The following RFC1 variants were observed in gnomAD, a reference collection of about 807,000 sequenced individuals.
RFC1 encodes the protein replication factor C subunit 1, also known as A1 140 kDa subunit.
A neutral mutation model predicts 137.4 loss-of-function variants in RFC1; 37 were observed. The ratio of observed to expected loss-of-function variants is 0.27; its 90% CI spans 0.21 to 0.35. The LOEUF (loss-of-function observed/expected upper bound fraction) is 0.35. Among genes scored for constraint, RFC1 ranks in the 10% least tolerant of loss-of-function variants. The pLI, the probability that RFC1 is intolerant of heterozygous loss-of-function variation, is 1.00. For synonymous variants in RFC1, 429 were observed against 455.7 expected (o/e 0.94, Z 0.75); for missense variants, 1,205 against 1,358.5 (o/e 0.89, Z 1.78).
chr4:39,321,542 A>G (rs1238026485), intron 7 of RFC1, 168 bp from the exon 8 acceptor site: 1 of 571,964 alleles, frequency 1.7e-6, no homozygotes, highest in Non-Finnish European at 3.1e-6. Context: ...AATGAGGCAT[A>G]TTTTATTACT....
intron 1 of RFC1, among the ~76,000 whole-genome samples, chr4:39,363,954 C>CCTGTAAT (rs1368240246): frequency 1.3e-5 from 2 of 149,316 alleles, no homozygotes; most frequent in Non-Finnish European, 3.0e-5. Context: ...GTGGCTCATG[C>CCTGTAAT]CTGTAATCTC....
At chr4:39,303,303 A>G in intron 15 of RFC1, 152 bp from the exon 16 acceptor site, 1 of 597,332 alleles carries the variant, frequency 1.7e-6, no homozygotes, top group Non-Finnish European at 3.0e-6. Flanking sequence ...TTAAAGAAAA[A>G]AAAAAAAAAA....
chr4:39,366,116 G>A (rs1243694947), intron 1 of RFC1, 123 bp downstream of exon 1: 3 of 1,093,308 alleles, frequency 2.7e-6, no homozygotes, highest in South Asian at 3.3e-5. Flanking sequence ...CTCTGCCTTT[G>A]CTAGCCTCCG....
intron 24 of RFC1, 46 bp downstream of exon 24, chr4:39,289,802 A>T (rs774063127): frequency 7.7e-7 from 1 of 1,290,914 alleles, no homozygotes; most frequent in Non-Finnish European, 1.1e-6. Context: ...AGGCAAGGAA[A>T]GATCATCTAT....
At chr4:39,349,539 A>G (rs930586297) in intron 2 of RFC1, among the ~76,000 whole-genome samples, 2 of 152,196 alleles carry the variant, frequency 1.3e-5, no homozygotes, top group African/African-American at 4.8e-5. Flanking sequence ...CCATGTACAA[A>G]GCAGGAAAAA....
At position 39,309,051 on chromosome 4, in the gene RFC1, G is replaced by A. The variant is rs533920440; in HGVS notation, c.1489-19C>T. Reference sequence around the variant, plus strand: ...TCTTCATCTTAAGAAGTGGAAAAATGAGGAAAAAAGAAACCTGATGAAACA... The same window carrying A: ...TCTTCATCTTAAGAAGTGGAAAAATAAGGAAAAAAGAAACCTGATGAAACA... On this transcript the variant is annotated intron_variant, in intron 12 of 24. Transcript: ENST00000349703. 12 of 1,567,814 alleles carry A rather than the reference G, an allele frequency of 7.7e-6. No individual in the cohort carries two copies. In the East Asian group the frequency reaches 2.2e-4, roughly 29 times the overall value.
chr4:39,336,843 A>G (rs1233484700), intron 4 of RFC1, among the ~76,000 whole-genome samples: 2 of 152,278 alleles, frequency 1.3e-5, no homozygotes, highest in Non-Finnish European at 2.9e-5. Context: ...CTAAACAGCT[A>G]TATCCAGGGT....
chr4:39,308,987 G>C lies in RFC1; in HGVS notation c.1534C>G (p.Gln512Glu). ...GATGGACTAATTTTTCTTTTTCCTT[G>C]GACATTTTTTTGGGGTGTTCTCTCC... ...KLERTPQKNV[Q>E]GKRKISPSKK... The change falls in exon 13 of 25, where the codon CAA (glutamine) becomes GAA (glutamate). Residue 512 changes from glutamine (Q) to glutamate (E), a missense_variant. Transcript: ENST00000349703. 2.5e-6 allele frequency: 4 copies of C among 1,611,252 alleles called. No homozygotes were observed. Among genetic ancestry groups the C allele is most frequent in the Non-Finnish European group, 3.4e-6 (4 of 1,179,554 alleles).
intron 1 of RFC1, among the ~76,000 whole-genome samples, chr4:39,355,096 A>AAAAC (rs1553927298): frequency 3.3e-5 from 2 of 60,160 alleles, no homozygotes; most frequent in Non-Finnish European, 6.4e-5. Context: ...AAAAAAAAAA[A>AAAAC]ATACACACAC....
chr4:39,363,100 G>T (rs1308303346), intron 1 of RFC1, among the ~76,000 whole-genome samples: 1 of 152,172 alleles, frequency 6.6e-6, no homozygotes, highest in African/African-American at 2.4e-5. Flanking sequence ...AGTCTCATGT[G>T]TGTTTAATTC....
In RFC1 at chr4:39,329,636, G is replaced by A. The variant is rs1480524407; in HGVS notation, c.332-1880C>T. 2.6e-5 allele frequency among the ~76,000 whole-genome samples: 4 copies of A among 152,160 alleles called. No homozygotes were observed. The East Asian group carries it at 7.7e-4, about 29-fold the overall frequency. On this transcript the variant is annotated intron_variant, in intron 4 of 24. Transcript: ENST00000349703. ...GCCTGTAGCCCCAGCTACTCAGGAG[G>A]CTAAGGCAGTAGGAGGATCGCTTGA...
rs1412644125 is a variant in RFC1, at chr4:39,351,363, T to G, written c.117A>C (p.Gly39=). Reference sequence around the variant, plus strand: ...GAAAACTAACCTTGATTTCCTTTATTCCTTTCTTTGCTTTTAAAGTTTCTT... The same window carrying G: ...GAAAACTAACCTTGATTTCCTTTATGCCTTTCTTTGCTTTTAAAGTTTCTT... ...SDEETLKAKK[G]IKEIKVNSSR... Residue 39 remains glycine (G), a synonymous_variant, in exon 2 of 25, where the codon GGA becomes GGC. Transcript: ENST00000349703. The G allele has an allele frequency of 6.4e-7, 1 of 1,561,494 alleles. No individual in the cohort carries two copies.
At chr4:39,306,475 T>G in intron 14 of RFC1, 117 bp downstream of exon 14, 1 of 568,248 alleles carries the variant, frequency 1.8e-6, no homozygotes, top group Non-Finnish European at 3.1e-6. Flanking sequence ...TAAACACAGT[T>G]TATATATAGA....
Position 39,289,943 on chromosome 4 carries a change from A to T in RFC1, c.3265T>A (p.Ser1089Thr), listed in dbSNP as rs1486129072. ...IKASRHSTSP[S>T]LDSEYNEELN... Reference sequence around the variant, plus strand: ...TCTTCATTGTATTCCGAATCCAGGGATGGGCTTGTGCTGTGTCTAGATGCC... The same window carrying T: ...TCTTCATTGTATTCCGAATCCAGGGTTGGGCTTGTGCTGTGTCTAGATGCC... The change falls in exon 24 of 25, where the codon TCC (serine) becomes ACC (threonine). Residue 1089 changes from serine to threonine, a missense_variant. Ser to Thr is a moderately conservative substitution (Grantham distance 58, BLOSUM62 1). Coordinates refer to ENST00000349703, the MANE Select transcript of RFC1 (RefSeq NM_002913.5). 6.2e-7 allele frequency: 1 copy of T among 1,613,254 alleles called. No homozygotes were observed. Among genetic ancestry groups the T allele is most frequent in the Non-Finnish European group, 8.5e-7 (1 of 1,179,270 alleles).
At chr4:39,290,195 G>C (rs1315462721) in intron 23 of RFC1, among the ~76,000 whole-genome samples, 156 bp from the exon 24 acceptor site, 1 of 151,912 alleles carries the variant, frequency 6.6e-6, no homozygotes, top group Non-Finnish European at 1.5e-5. Flanking sequence ...TTTTTCTGTG[G>C]ATAAGTTCCA....
intron 1 of RFC1, among the ~76,000 whole-genome samples, chr4:39,354,966 T>C (rs1353702900): frequency 1.3e-5 from 2 of 150,494 alleles, no homozygotes; most frequent in African/African-American, 2.4e-5. Context: ...CCTGTAATCC[T>C]AGCTACTCAG....
In RFC1 at chr4:39,287,483, A is replaced by AT. The variant is rs1275842448; in HGVS notation, c.*1277dup. On this transcript the variant is annotated 3_prime_UTR_variant, in exon 25 of 25. Transcript: ENST00000349703. ...AGGGCTTAGGCAATGTTTTATTTCC[A>AT]TAATGAATTAATCTCCATAAATGAC... 1 of 152,240 alleles carries AT rather than the reference A, an allele frequency of 6.6e-6. No individual in the cohort carries two copies. The highest frequency in any genetic ancestry group is 2.4e-5 in the African/African-American group (1 of 41,468). The allele number at this position is 152,240 out of a possible 1,614,324, so 9.4% of individuals were successfully genotyped here. A position where few individuals can be genotyped will look rare whatever the true frequency, so the allele number is the denominator to read the frequency against.
At chr4:39,338,828 C>T (rs1260375702) in intron 4 of RFC1, among the ~76,000 whole-genome samples, 1 of 152,140 alleles carries the variant, frequency 6.6e-6, no homozygotes, top group Non-Finnish European at 1.5e-5. Context: ...ACTTTATTAA[C>T]TATAGTCCTC....
chr4:39,327,401 T>C (rs1560608041), intron 5 of RFC1, 123 bp downstream of exon 5: 1 of 525,134 alleles, frequency 1.9e-6, no homozygotes, highest in African/African-American at 2.0e-5. Flanking sequence ...TTATCCATAA[T>C]CATAGGAAAA....
Sources: gnomAD v4.1 joint callset for allele counts (sites outside exome capture counted in the v4.1 genomes callset) on GRCh38, gnomAD v4.1.1 for gene constraint, MANE v1.5 for transcripts, NCBI Gene and HGNC (gene_info 2026-07-23, HGNC 2026-07-21) for gene names.